ARHGAP33: variants seen among roughly 807,000 people sequenced by gnomAD.
ARHGAP33 encodes the protein rho GTPase-activating protein 33.
Under a neutral mutation model 126.2 loss-of-function variants are expected in ARHGAP33, and 57 were observed. That is an observed-to-expected ratio of 0.45 (90% CI 0.36 to 0.56). The LOEUF (loss-of-function observed/expected upper bound fraction) is 0.56. ARHGAP33 is among the 20% of genes least tolerant of loss of function. ARHGAP33 has a pLI of 0.00. For missense variants in ARHGAP33, 1,500 were observed against 1,748.3 expected (o/e 0.86, Z 2.53); for synonymous variants, 711 against 755.0 (o/e 0.94, Z 0.95).
Position 35,778,282 on chromosome 19 carries a change from C to T in ARHGAP33, c.192C>T (p.Leu64=). 1 of 1,614,190 alleles carries T rather than the reference C, an allele frequency of 6.2e-7. No homozygotes were observed. Among genetic ancestry groups the T allele is most frequent in the Non-Finnish European group, 8.5e-7 (1 of 1,180,040 alleles). Residue 64 remains leucine (L), a splice_region_variant and synonymous_variant, in exon 4 of 21, where the codon CTC becomes CTT. Transcript: ENST00000007510. ...YENVDFGHIQ[L]LLSPDREGPS... ...TGGGCCTTGCTTTCCCTCTGCAGCT[C>T]CTGCTGTCTCCAGACCGTGAAGGGC... is the stretch of plus-strand genomic sequence containing the variant.
rs377609428 is a variant in ARHGAP33 at position 35,781,931 on chromosome 19, G to C, written c.1086-442G>C. ...AGAGGGGAGTGCTTGAAGCCTGCAG[G>C]GGGGTGGCCAAGAGGGAGGCAGGAG... On this transcript the variant is annotated intron_variant, in intron 12 of 20. Transcript: ENST00000007510. 1.6e-4 allele frequency among the ~76,000 whole-genome samples: 25 copies of C among 151,902 alleles called. No individual in the cohort carries two copies. In the East Asian group the frequency reaches 2.7e-3, roughly 17 times the overall value.
Position 35,786,672 on chromosome 19 carries a change from A to T in ARHGAP33, c.2202A>T (p.Gly734=). 1 of 1,534,890 alleles carries T rather than the reference A, an allele frequency of 6.5e-7. No individual in the cohort carries two copies. Among genetic ancestry groups the T allele is most frequent in the Non-Finnish European group, 8.7e-7 (1 of 1,146,544 alleles). Reference sequence around the variant, plus strand: ...TCAGCCCACCCCGCTGCCTGGAGGGACTCCGGGGGCTGGACTTTGATCCCT... The same window carrying T: ...TCAGCCCACCCCGCTGCCTGGAGGGTCTCCGGGGGCTGGACTTTGATCCCT... ...LDFSPPRCLE[G]LRGLDFDPLT... is the part of the protein sequence containing the mutation. Residue 734 remains glycine (G), a synonymous_variant, in exon 20 of 21, where the codon GGA becomes GGT. Coordinates refer to ENST00000007510, the MANE Select transcript of ARHGAP33 (RefSeq NM_001366178.1). The surrounding 1 kb of genome is among the most constrained non-coding windows in gnomAD (Gnocchi z 7.0).
At position 35,780,966 on chromosome 19, in the gene ARHGAP33, C is replaced by G; in HGVS notation, c.876C>G (p.Phe292Leu). 1.2e-6 allele frequency: 2 copies of G among 1,610,336 alleles called. No individual in the cohort carries two copies. Residue 292 changes from phenylalanine to leucine, a missense_variant, in exon 11 of 21, where the codon TTC (phenylalanine) becomes TTG (leucine). This residue lies in a region of ARHGAP33 where 281 missense variants were observed against 413.7 expected (regional missense o/e 0.68). Coordinates refer to ENST00000007510, the MANE Select transcript of ARHGAP33 (RefSeq NM_001366178.1). Reference protein sequence around the residue: ...RGKLAGLLRTFMRSRPSRQRL... With the variant: ...RGKLAGLLRTLMRSRPSRQRL... ...AGCTGGCCGGCCTGCTCCGCACCTT[C>G]ATGCGCTCCCGCCCTTCTCGGCAGC...
rs756073656 is a variant in ARHGAP33 at position 35,781,202 on chromosome 19, G to A, written c.1035G>A (p.Val345=). Residue 345 remains valine (V), a synonymous_variant, in exon 12 of 21, where the codon GTG becomes GTA. Transcript: ENST00000007510. ...AGTTCATTGAGGCCCACGGGGTGGT[G>A]GATGGGATCTACCGGCTCTCAGGCG... is the stretch of plus-strand genomic sequence containing the variant. ...CSEFIEAHGV[V]DGIYRLSGVS... is the part of the protein sequence containing the mutation. The A allele has an allele frequency of 2.5e-6, 4 of 1,613,966 alleles. No individual in the cohort carries two copies. Among genetic ancestry groups the A allele is most frequent in the South Asian group, 2.2e-5 (2 of 91,082 alleles).
Position 35,787,595 on chromosome 19 carries a change from G to A in ARHGAP33, c.3030G>A (p.Arg1010=), listed in dbSNP as rs747762192. ...SAQLRAGGGG[R]DAPEAAAQSP... ...AGCTCAGGGCAGGTGGCGGGGGCAG[G>A]GATGCGCCAGAGGCAGCAGCCCAGT... Residue 1010 remains arginine (R), a synonymous_variant, in exon 21 of 21, where the codon AGG becomes AGA. Transcript: ENST00000007510. 2 of 1,606,176 alleles carry A rather than the reference G, an allele frequency of 1.2e-6. No homozygotes were observed. Among genetic ancestry groups the A allele is most frequent in the Admixed American group, 1.7e-5 (1 of 57,560 alleles).
In ARHGAP33 at chr19:35,780,762, G is replaced by A. The variant is rs772040013; in HGVS notation, c.775G>A (p.Asp259Asn). The A allele has an allele frequency of 8.7e-6, 14 of 1,613,696 alleles. No individual in the cohort carries two copies. The highest frequency in any genetic ancestry group is 2.2e-5 in the East Asian group (1 of 44,878). The stretch of plus-strand genomic sequence containing the variant: ...CCCCATTTTTCGCCTAGCAGATGCC[G>A]ATGGCCCCCCATGTGGCATCCCGGC... ...RPGPGLKADA[D>N]GPPCGIPAPQ... is the part of the protein sequence containing the mutation. Residue 259 changes from aspartate to asparagine, a missense_variant, in exon 10 of 21, where the codon GAT becomes AAT. Coordinates refer to ENST00000007510, the MANE Select transcript of ARHGAP33 (RefSeq NM_001366178.1).
At position 35,784,991 on chromosome 19, in the gene ARHGAP33, A is replaced by C; in HGVS notation, c.1606A>C (p.Ser536Arg). ...LLPRPKSLAG[S>R]CPSTRLLTLE... ...CCCCAGGCCCAAGTCCCTTGCGGGC[A>C]GCTGCCCCTCCACCCGCCTGCTGAC... is the stretch of plus-strand genomic sequence containing the variant. Residue 536 changes from serine (S) to arginine (R), a missense_variant, in exon 17 of 21, where the codon AGC becomes CGC. Transcript: ENST00000007510. The C allele has an allele frequency of 6.5e-7, 1 of 1,546,426 alleles. No homozygotes were observed. The highest frequency in any genetic ancestry group is 2.4e-5 in the East Asian group (1 of 40,910).
Position 35,777,844 on chromosome 19 carries a change from C to A in ARHGAP33, c.125C>A (p.Pro42His), listed in dbSNP as rs749599508. The change falls in exon 3 of 21, where the codon CCC becomes CAC. Residue 42 changes from proline (P) to histidine (H), a missense_variant. Coordinates refer to ENST00000007510, the MANE Select transcript of ARHGAP33 (RefSeq NM_001366178.1). The part of the protein sequence containing the change: ...PGKRLSAPRG[P>H]FPRLADCAHF... ...CCCAGGCTCTCAGCTCCTCGAGGCC[C>A]CTTCCCGCGGCTGGCTGACTGCGCC... 4.6e-5 allele frequency: 75 copies of A among 1,614,094 alleles called. No homozygotes were observed. Among genetic ancestry groups the A allele is most frequent in the Non-Finnish European group, 1.9e-5 (22 of 1,180,038 alleles).
At position 35,780,980 on chromosome 19, in the gene ARHGAP33, C is replaced by T; in HGVS notation, c.890C>T (p.Pro297Leu). ...GLLRTFMRSR[P>L]SRQRLRQRGI... ...CTCCGCACCTTCATGCGCTCCCGCC[C>T]TTCTCGGCAGCGGCTGCGGCAGCGG... Residue 297 changes from proline (P) to leucine (L), a missense_variant, in exon 11 of 21, where the codon CCT becomes CTT. Pro to Leu is a moderately conservative substitution (Grantham distance 98). This residue lies in a region of ARHGAP33 where 281 missense variants were observed against 413.7 expected (regional missense o/e 0.68). Transcript: ENST00000007510. 6.2e-7 allele frequency: 1 copy of T among 1,611,138 alleles called. No homozygotes were observed. The highest frequency in any genetic ancestry group is 8.5e-7 in the Non-Finnish European group (1 of 1,179,928).
chr19:35,780,921 T>C lies in ARHGAP33; in HGVS notation c.831T>C (p.Ala277=). 1 of 1,609,808 alleles carries C rather than the reference T, an allele frequency of 6.2e-7. No individual in the cohort carries two copies. Among genetic ancestry groups the C allele is most frequent in the Non-Finnish European group, 8.5e-7 (1 of 1,179,942 alleles). ...GCCCTTTGCCCCTTGCCCCCACAGCTGTGCCACGGCCTCGTGGGAAGCTGG... is the reference window on the plus strand; with the variant it reads ...GCCCTTTGCCCCTTGCCCCCACAGCCGTGCCACGGCCTCGTGGGAAGCTGG... The part of the protein sequence containing the change: ...APQGISSLTS[A]VPRPRGKLAG... Residue 277 remains alanine (A), a splice_region_variant and synonymous_variant, in exon 11 of 21, where the codon GCT becomes GCC. Coordinates refer to ENST00000007510, the MANE Select transcript of ARHGAP33 (RefSeq NM_001366178.1).
Position 35,775,636 on chromosome 19 carries a change from G to C in ARHGAP33, c.-23G>C. The C allele has an allele frequency of 6.5e-7, 1 of 1,532,688 alleles. No homozygotes were observed. Among genetic ancestry groups the C allele is most frequent in the South Asian group, 1.2e-5 (1 of 81,644 alleles). The allele number at this position is 1,532,688 out of a possible 1,614,324, so 94.9% of individuals were successfully genotyped here. A position where few individuals can be genotyped will look rare whatever the true frequency, so the allele number is the denominator to read the frequency against. On this transcript the variant is annotated 5_prime_UTR_variant, in exon 1 of 21. Coordinates refer to ENST00000007510, the MANE Select transcript of ARHGAP33 (RefSeq NM_001366178.1). ...GCGAGCGAGGGGTCGAGCGCGGCCGGGGCCTGAGGAGGCTACGCGACCATG... is the reference window on the plus strand; with the variant it reads ...GCGAGCGAGGGGTCGAGCGCGGCCGCGGCCTGAGGAGGCTACGCGACCATG...
chr19:35,787,052 G>A lies in ARHGAP33; in HGVS notation c.2582G>A (p.Arg861Gln), dbSNP rs377336785. Residue 861 changes from arginine (R) to glutamine (Q), a missense_variant, in exon 20 of 21, where the codon CGG (arginine) becomes CAG (glutamine). Coordinates refer to ENST00000007510, the MANE Select transcript of ARHGAP33 (RefSeq NM_001366178.1). ...ACQQEMCSKL[R>Q]GAQGPLGPDM... ...CAGCAGGAGATGTGCAGCAAGCTCC[G>A]GGGAGCCCAGGGCCCACTCGGTGAG... 1.1e-5 allele frequency: 17 copies of A among 1,604,768 alleles called. No individual in the cohort carries two copies. The highest frequency in any genetic ancestry group is 1.3e-5 in the Non-Finnish European group (15 of 1,175,226).
At position 35,787,580 on chromosome 19, in the gene ARHGAP33, A is replaced by G; in HGVS notation, c.3015A>G (p.Ala1005=). Residue 1005 remains alanine (A), a synonymous_variant, in exon 21 of 21, where the codon GCA becomes GCG. Transcript: ENST00000007510. Reference sequence around the variant, plus strand: ...CCCAGGTCAGTGCCCAGCTCAGGGCAGGTGGCGGGGGCAGGGATGCGCCAG... The same window carrying G: ...CCCAGGTCAGTGCCCAGCTCAGGGCGGGTGGCGGGGGCAGGGATGCGCCAG... ...GPAQVSAQLR[A]GGGGRDAPEA... is the part of the protein sequence containing the mutation. 6.2e-7 allele frequency: 1 copy of G among 1,608,726 alleles called. No homozygotes were observed. Among genetic ancestry groups the G allele is most frequent in the Non-Finnish European group, 8.5e-7 (1 of 1,178,422 alleles).
At chr19:35,778,824 G>T (rs1319465952) in intron 5 of ARHGAP33, 1 of 821,108 alleles carries the variant, frequency 1.2e-6, no homozygotes, top group Non-Finnish European at 1.9e-6. Context: ...CCATGGGAGG[G>T]TCACCATGGT....
In ARHGAP33 at chr19:35,786,192, G is replaced by T. The variant is rs1972101180; in HGVS notation, c.1943-221G>T. 2 of 1,402,172 alleles carry T rather than the reference G, an allele frequency of 1.4e-6. No individual in the cohort carries two copies. Among genetic ancestry groups the T allele is most frequent in the Non-Finnish European group, 1.8e-6 (2 of 1,083,110 alleles). 86.9% of individuals were successfully genotyped at this position (1,402,172 alleles called of 1,614,324 possible). A position where few individuals can be genotyped will look rare whatever the true frequency, so the allele number is the denominator to read the frequency against. Reference sequence around the variant, plus strand: ...TGGCTCAGCAGCTGTATGTGAATCTGTTGGTCTCGTGCTCACAGCCTGTGG... The same window carrying T: ...TGGCTCAGCAGCTGTATGTGAATCTTTTGGTCTCGTGCTCACAGCCTGTGG... On this transcript the variant is annotated intron_variant, in intron 19 of 20. Transcript: ENST00000007510. The surrounding 1 kb of genome is among the most constrained non-coding windows in gnomAD (Gnocchi z 7.0).
rs2239949 is a variant in ARHGAP33, at chr19:35,785,184, C to T, written c.1722-5C>T. 543,058 of 1,573,114 alleles carry T rather than the reference C, an allele frequency of 0.35. 96,767 individuals are homozygous for T. Among genetic ancestry groups the T allele is most frequent in the South Asian group, 0.52 (45,527 of 87,708 alleles). On this transcript the variant is annotated splice_region_variant and splice_polypyrimidine_tract_variant and intron_variant, in intron 17 of 20. Coordinates refer to ENST00000007510, the MANE Select transcript of ARHGAP33 (RefSeq NM_001366178.1). ...ACGGCCTCCTGTTTCTCCCCCAAAC[C>T]GCAGGAGGAAAGGGGAGAGAGGGGA... is the stretch of plus-strand genomic sequence containing the variant.
intron 19 of ARHGAP33, chr19:35,785,747 C>A (rs1972079950): frequency 1.5e-6 from 2 of 1,309,842 alleles, no homozygotes; most frequent in Non-Finnish European, 1.9e-6. Flanking sequence ...AAAATAATAT[C>A]ATGGACACCC....
Position 35,785,205 on chromosome 19 carries a change from G to C in ARHGAP33, c.1738G>C (p.Gly580Arg), listed in dbSNP as rs556833815. ...SPAERRKGER[G>R]EKQRKPGGSS... ...AAACCGCAGGAGGAAAGGGGAGAGA[G>C]GGGAGAAGCAGCGGAAGCCAGGGGG... is the stretch of plus-strand genomic sequence containing the variant. The change falls in exon 18 of 21, where the codon GGG becomes CGG. Residue 580 changes from glycine to arginine, a missense_variant. By Grantham distance (125) the Gly-to-Arg change is moderately radical (BLOSUM62 -2). Around this residue, in one of 6 missense-constraint regions of ARHGAP33, gnomAD observed 300 missense variants for 291.1 expected, o/e 1.03. Transcript: ENST00000007510. The C allele has an allele frequency of 1.9e-6, 3 of 1,579,078 alleles. No homozygotes were observed. The highest frequency in any genetic ancestry group is 1.8e-5 in the Admixed American group (1 of 54,818).
chr19:35,782,546 G>C lies in ARHGAP33; in HGVS notation c.1230+29G>C. Reference sequence around the variant, plus strand: ...AGTAAGGGAGCTGGCGGGACGGAGGGGGCCGGGACGCCTCTGGCCCAGACC... The same window carrying C: ...AGTAAGGGAGCTGGCGGGACGGAGGCGGCCGGGACGCCTCTGGCCCAGACC... On this transcript the variant is annotated intron_variant, in intron 13 of 20. Coordinates refer to ENST00000007510, the MANE Select transcript of ARHGAP33 (RefSeq NM_001366178.1). The surrounding 1 kb of genome is among the most constrained non-coding windows in gnomAD (Gnocchi z 4.1). 1 of 1,613,412 alleles carries C rather than the reference G, an allele frequency of 6.2e-7. No homozygotes were observed. Among genetic ancestry groups the C allele is most frequent in the South Asian group, 1.1e-5 (1 of 90,972 alleles).
Sources: gnomAD v4.1 joint callset for allele counts (sites outside exome capture counted in the v4.1 genomes callset) on GRCh38, gnomAD v4.1.1 for gene constraint, gnomAD v4.1.1 regional missense constraint, Gnocchi (gnomAD v3.1) non-coding constraint, MANE v1.5 for transcripts, NCBI Gene and HGNC (gene_info 2026-07-23, HGNC 2026-07-21) for gene names.